MSN: variants seen among roughly 807,000 people sequenced by gnomAD.
The protein encoded by MSN is epididymis luminal protein 70.
A neutral mutation model predicts 48.0 loss-of-function variants in MSN; 2 were observed. The ratio of observed to expected loss-of-function variants is 0.04; its 90% confidence interval spans 0.02 to 0.13. The LOEUF is 0.13. Ranked by LOEUF, MSN falls within the 10% of genes least tolerant of loss-of-function variation. MSN has a pLI of 1.00. For missense variants in MSN, 267 were observed against 470.1 expected (o/e 0.57, Z 3.99); for synonymous variants, 146 against 166.9 (o/e 0.87, Z 0.97).
chrX:65,719,974 TCCAGATAGTAGGGAACC>T (rs2071501508), intron 2 of MSN, among the ~76,000 whole-genome samples: 1 of 111,356 alleles, frequency 9.0e-6, no homozygotes, highest in Non-Finnish European at 1.9e-5. Flanking sequence ...TTGAGGGAAG[TCCAGATAGTAGGGAACC>T]CCAGATAGTA....
intron 1 of MSN, among the ~76,000 whole-genome samples, chrX:65,647,388 T>C (rs1019185030): frequency 1.8e-5 from 2 of 110,869 alleles, no homozygotes; most frequent in Non-Finnish European, 3.8e-5. Context: ...ATTTTTTGGA[T>C]TTTTAGTAGA....
At chrX:65,708,626 C>G (rs1160041417) in intron 1 of MSN, among the ~76,000 whole-genome samples, 1 of 111,326 alleles carries the variant, frequency 9.0e-6, no homozygotes, top group African/African-American at 3.3e-5. Flanking sequence ...GCTTATTTCA[C>G]TTAACATAAT....
intron 1 of MSN, among the ~76,000 whole-genome samples, chrX:65,620,595 T>G (rs2070431774): frequency 8.9e-6 from 1 of 112,718 alleles, no homozygotes; most frequent in Non-Finnish European, 1.9e-5. Context: ...CCCACTGACC[T>G]GCGCCCACTG....
chrX:65,715,015 T>C (rs2071449468), intron 1 of MSN, among the ~76,000 whole-genome samples: 1 of 112,211 alleles, frequency 8.9e-6, no homozygotes, highest in Non-Finnish European at 1.9e-5. Flanking sequence ...AAGGATGGGG[T>C]CCAGTTTCAA....
intron 1 of MSN, among the ~76,000 whole-genome samples, chrX:65,637,504 C>G (rs141722811): frequency 0.019 from 2,098 of 110,861 alleles, 49 homozygotes; most frequent in African/African-American, 0.067. Flanking sequence ...ACCTCTCTGA[C>G]TTAATCTCCT....
intron 6 of MSN, among the ~76,000 whole-genome samples, chrX:65,732,922 G>A (rs2071636930): frequency 8.9e-6 from 1 of 111,878 alleles, no homozygotes; most frequent in Non-Finnish European, 1.9e-5. Context: ...CCTCCAGAGA[G>A]AAGTGTTTGT....
intron 2 of MSN, among the ~76,000 whole-genome samples, chrX:65,717,121 A>G (rs1243534595): frequency 8.9e-6 from 1 of 111,973 alleles, no homozygotes; most frequent in Non-Finnish European, 1.9e-5. Context: ...TTTGGTCCTG[A>G]ATAAGGGAGA....
chrX:65,616,316 T>C (rs2070371368), intron 1 of MSN, among the ~76,000 whole-genome samples: 1 of 99,428 alleles, frequency 1.0e-5, no homozygotes, highest in Non-Finnish European at 2.0e-5. Flanking sequence ...ATTTTCACGA[T>C]ATTGATTCTT....
At chrX:65,648,635 G>A (rs1184494113) in intron 1 of MSN, among the ~76,000 whole-genome samples, 4 of 111,526 alleles carry the variant, frequency 3.6e-5, no homozygotes, top group Admixed American at 1.9e-4. Flanking sequence ...CACTTTGGGA[G>A]GCCGAGATGG....
chrX:65,732,327 A>C (rs1379163778), intron 6 of MSN, among the ~76,000 whole-genome samples: 1 of 112,663 alleles, frequency 8.9e-6, no homozygotes, highest in East Asian at 2.8e-4. Context: ...ATTTTAAAAA[A>C]TATTTATTTA....
chrX:65,695,233 G>T (rs2071221599), intron 1 of MSN, among the ~76,000 whole-genome samples: 2 of 110,649 alleles, frequency 1.8e-5, no homozygotes, highest in South Asian at 3.8e-4. Context: ...GGGCGTGTTG[G>T]CTCACGCCTG....
rs780149589 is a variant in MSN at position 65,651,907 on chromosome X, C to G, written c.-22+63295C>G. ...GCCACCGCACCCGGCCTTTCAGTTG[C>G]TCTTTACTTGCTGTGTTTCCCTTCT... On this transcript the variant is annotated intron_variant, in intron 1 of 3. Coordinates refer to the MSN transcript ENST00000609672. Among the ~76,000 whole-genome samples, 138 of 106,874 alleles carry G rather than the reference C, an allele frequency of 1.3e-3. 1 individual carries two copies. The highest frequency in any genetic ancestry group is 4.3e-3 in the African/African-American group (128 of 29,628). The allele number at this position is 106,874 out of a possible 115,157, so 92.8% of individuals were successfully genotyped here.
chrX:65,682,285 C>T (rs2071064178), intron 1 of MSN, among the ~76,000 whole-genome samples: 1 of 111,981 alleles, frequency 8.9e-6, no homozygotes, highest in Non-Finnish European at 1.9e-5. Context: ...TCATGAAGAA[C>T]CATCTAAGCC....
chrX:65,632,430 T>C (rs2070566082), intron 1 of MSN, among the ~76,000 whole-genome samples: 2 of 112,412 alleles, frequency 1.8e-5, no homozygotes, highest in African/African-American at 6.5e-5. Flanking sequence ...TGGTATGCTG[T>C]TGTAGTAGAA....
intron 1 of MSN, among the ~76,000 whole-genome samples, chrX:65,639,094 T>C (rs770271627): frequency 1.8e-5 from 2 of 112,477 alleles, no homozygotes; most frequent in South Asian, 3.6e-4. Context: ...TATTATAAGC[T>C]TCATTTTTCA....
rs755557937 is a variant in MSN at position 65,694,911 on chromosome X, G to A, written c.13-21907G>A. Among the ~76,000 whole-genome samples, 5 of 112,180 alleles carry A rather than the reference G, an allele frequency of 4.5e-5. No homozygotes were observed. The South Asian group carries it at 1.8e-3, about 41-fold the overall frequency. On this transcript the variant is annotated intron_variant, in intron 1 of 12. Transcript: ENST00000360270. The stretch of plus-strand genomic sequence containing the variant: ...TTATGGGGTGTGAAGAATGGAGGAT[G>A]TAGGAAGGAGAAAATGATTAGAGGA...
intron 1 of MSN, among the ~76,000 whole-genome samples, chrX:65,691,084 G>A (rs760582557): frequency 9.0e-6 from 1 of 111,138 alleles, no homozygotes; most frequent in Non-Finnish European, 1.9e-5. Context: ...ACTTTTCTTA[G>A]GAGAGAAAGG....
rs1474689342 is a variant in MSN, at chrX:65,699,960, G to C, written c.13-16858G>C. On this transcript the variant is annotated intron_variant, in intron 1 of 12. Transcript: ENST00000360270. ...TTCTCCCTTCTTTAAAATGGTACTT[G>C]TCTCGGGCTTGTCTTTTTCTTACAG... Among the ~76,000 whole-genome samples the C allele has an allele frequency of 8.1e-5, 9 of 110,610 alleles. No individual in the cohort carries two copies. The Admixed American group carries it at 8.7e-4, about 11-fold the overall frequency.
intron 1 of MSN, among the ~76,000 whole-genome samples, chrX:65,707,673 C>T (rs1048585493): frequency 2.7e-4 from 30 of 112,232 alleles, no homozygotes; most frequent in African/African-American, 8.4e-4. Flanking sequence ...CAAACAAGAC[C>T]ACTGTCTTCT....
Sources: gnomAD v4.1 joint callset for allele counts (sites outside exome capture counted in the v4.1 genomes callset) on GRCh38, gnomAD v4.1.1 for gene constraint, MANE v1.5 for transcripts, NCBI Gene and HGNC (gene_info 2026-07-23, HGNC 2026-07-21) for gene names.